Variants in WLS observed in about 807,000 individuals in gnomAD.
WLS encodes the protein protein wntless homolog.
WLS carries 23 observed loss-of-function variants against 62.8 expected under a neutral mutation model. That is an observed-to-expected ratio of 0.37 (90% CI 0.26 to 0.52). The LOEUF (loss-of-function observed/expected upper bound fraction) is 0.52, where lower values mean the gene tolerates loss of function less well. WLS is among the 20% of genes least tolerant of loss of function. The pLI is 0.92. For synonymous variants in WLS, 246 were observed against 244.1 expected, an observed-to-expected ratio of 1.01 and a Z score of -0.07; for missense variants, 615 against 697.3, an observed-to-expected ratio of 0.88 and a Z score of 1.33.
At chr1:68,172,851 G>C (rs1647175159) in intron 2 of WLS, among the ~76,000 whole-genome samples, 1 of 152,178 alleles carries the variant, frequency 6.6e-6, no homozygotes, top group Non-Finnish European at 1.5e-5. Context: ...GGGAATGTGA[G>C]AGGGACTGGA....
chr1:68,150,060 C>G, intron 6 of WLS, 128 bp downstream of exon 6: 4 of 973,252 alleles, frequency 4.1e-6, no homozygotes, highest in Non-Finnish European at 6.0e-6. Flanking sequence ...CTCCAGAGTT[C>G]CCACTTGTAA....
At chr1:68,190,932 C>A (rs1648260563) in intron 2 of WLS, among the ~76,000 whole-genome samples, 1 of 152,030 alleles carries the variant, frequency 6.6e-6, no homozygotes, top group Admixed American at 6.6e-5. Context: ...GTGGCACATG[C>A]CTATAATCCC....
chr1:68,113,705 A>C (rs1443063470), intron 11 of WLS, among the ~76,000 whole-genome samples: 1 of 152,140 alleles, frequency 6.6e-6, no homozygotes, highest in Non-Finnish European at 1.5e-5. Context: ...AGCATGTTAG[A>C]AATGCATCGT....
At chr1:68,156,539 G>A (rs776695426) in intron 3 of WLS, among the ~76,000 whole-genome samples, 5 of 152,104 alleles carry the variant, frequency 3.3e-5, no homozygotes, top group African/African-American at 9.7e-5. Context: ...AGACACACAC[G>A]GCAAGGTAGA....
At position 68,232,308 on chromosome 1, in the gene WLS, C is replaced by A. The variant is rs897519859; in HGVS notation, c.-9G>T. 5 of 1,613,052 alleles carry A rather than the reference C, an allele frequency of 3.1e-6. No homozygotes were observed. Among genetic ancestry groups the A allele is most frequent in the Non-Finnish European group, 4.2e-6 (5 of 1,179,628 alleles). On this transcript the variant is annotated 5_prime_UTR_variant, in exon 1 of 12. Transcript: ENST00000262348. ...ATAATTGCCCCAGCCATTTTTGCGCCCCCCCTTTTTCTTTTCTCCTTGAAA... is the reference window on the plus strand; with the variant it reads ...ATAATTGCCCCAGCCATTTTTGCGCACCCCCTTTTTCTTTTCTCCTTGAAA...
At chr1:68,199,039 C>G (rs1648840966) in intron 1 of WLS, among the ~76,000 whole-genome samples, 1 of 147,974 alleles carries the variant, frequency 6.8e-6, no homozygotes. Flanking sequence ...GCCCCTATTC[C>G]TTCCAGAACC....
chr1:68,162,611 G>A lies in WLS; in HGVS notation c.380-3364C>T, dbSNP rs1352876371. 1.6e-5 allele frequency: 21 copies of A among 1,344,708 alleles called. No homozygotes were observed. The Admixed American group carries it at 2.1e-4, about 13-fold the overall frequency. The allele number at this position is 1,344,708 out of a possible 1,614,324, so 83.3% of individuals were successfully genotyped here. A position where few individuals can be genotyped will look rare whatever the true frequency, so the allele number is the denominator to read the frequency against. On this transcript the variant is annotated intron_variant, in intron 2 of 11. Coordinates refer to ENST00000262348, the MANE Select transcript of WLS (RefSeq NM_024911.7). ...CGGTTCTGCTCCATGCTCTGAACCCGTGTGCCTTACCGCAGTGCTTGGTAC... is the reference window on the plus strand; with the variant it reads ...CGGTTCTGCTCCATGCTCTGAACCCATGTGCCTTACCGCAGTGCTTGGTAC...
chr1:68,217,201 A>G (rs972454130), intron 1 of WLS, among the ~76,000 whole-genome samples: 3 of 152,162 alleles, frequency 2.0e-5, no homozygotes, highest in African/African-American at 7.2e-5. Context: ...CCTTACTCTC[A>G]CACTATAAAC....
chr1:68,131,505 C>T (rs1365532321), intron 11 of WLS, among the ~76,000 whole-genome samples: 1 of 152,098 alleles, frequency 6.6e-6, no homozygotes, highest in African/African-American at 2.4e-5. Flanking sequence ...GTCCAGTTGT[C>T]TCTCGGTGCC....
At chr1:68,111,562 T>A (rs1176639726) in intron 11 of WLS, among the ~76,000 whole-genome samples, 1 of 152,186 alleles carries the variant, frequency 6.6e-6, no homozygotes, top group Non-Finnish European at 1.5e-5. Context: ...TGGCTAAATA[T>A]CCTCCAATGT....
chr1:68,124,031 C>T (rs904070670), downstream of WLS, among the ~76,000 whole-genome samples: 3 of 152,206 alleles, frequency 2.0e-5, no homozygotes, highest in East Asian at 5.8e-4. Flanking sequence ...CCAAGAATCT[C>T]TCTCTCTGTC....
At chr1:68,166,774 C>G (rs10493434) in intron 2 of WLS, among the ~76,000 whole-genome samples, 53,464 of 152,040 alleles carry the variant, frequency 0.35, 10,102 homozygotes, top group East Asian at 0.44. Flanking sequence ...TCTGCCGTCT[C>G]TTCACGTTAC....
chr1:68,221,845 T>A (rs922961614), intron 1 of WLS, among the ~76,000 whole-genome samples: 1 of 152,154 alleles, frequency 6.6e-6, no homozygotes, highest in Non-Finnish European at 1.5e-5. Flanking sequence ...AGTATAATAC[T>A]TGCACCACTC....
At chr1:68,105,408 G>T (rs1363844931) in intron 11 of WLS, among the ~76,000 whole-genome samples, 3 of 152,160 alleles carry the variant, frequency 2.0e-5, no homozygotes, top group Non-Finnish European at 4.4e-5. Flanking sequence ...ATTCAGTTCA[G>T]TCACTCTTAA....
Position 68,116,001 on chromosome 1 carries a change from C to T in WLS, c.1511-17248G>A, listed in dbSNP as rs1646287119. 2.0e-5 allele frequency among the ~76,000 whole-genome samples: 3 copies of T among 152,294 alleles called. No homozygotes were observed. In the South Asian group the frequency reaches 6.2e-4, roughly 32 times the overall value. ...TCCTGGTCGGGAGCTTCCAGCTCTCCCCTGCAGCTGTCCTGAATTCCTCTT... is the reference window on the plus strand; with the variant it reads ...TCCTGGTCGGGAGCTTCCAGCTCTCTCCTGCAGCTGTCCTGAATTCCTCTT... On this transcript the variant is annotated intron_variant, in intron 11 of 11. Transcript: ENST00000354777.
intron 1 of WLS, among the ~76,000 whole-genome samples, chr1:68,229,980 C>G (rs1024140760): frequency 3.3e-5 from 5 of 152,142 alleles, no homozygotes; most frequent in Non-Finnish European, 7.4e-5. Flanking sequence ...CCAAATTCTT[C>G]GGGAAAAACA....
At chr1:68,105,712 G>T (rs1454023261) in intron 11 of WLS, among the ~76,000 whole-genome samples, 1 of 152,210 alleles carries the variant, frequency 6.6e-6, no homozygotes, top group Non-Finnish European at 1.5e-5. Flanking sequence ...GGTGAGGGGT[G>T]TTAGTGATTT....
chr1:68,224,299 C>G (rs1650051225), intron 1 of WLS, among the ~76,000 whole-genome samples: 1 of 152,170 alleles, frequency 6.6e-6, no homozygotes, highest in African/African-American at 2.4e-5. Context: ...TTGGGTGACA[C>G]TGGAAGCAGG....
At chr1:68,121,063 G>C (rs907022207), downstream of WLS, 3 of 152,122 alleles carry the variant, frequency 2.0e-5, no homozygotes, top group African/African-American at 7.2e-5. Flanking sequence ...GTGGTTGCTT[G>C]GTCATGAGAA....
Sources: gnomAD v4.1 joint callset for allele counts (sites outside exome capture counted in the v4.1 genomes callset) on GRCh38, gnomAD v4.1.1 for gene constraint, MANE v1.5 for transcripts, NCBI Gene and HGNC (gene_info 2026-07-23, HGNC 2026-07-21) for gene names.